Variants in CDH4 observed in about 807,000 individuals in gnomAD.
The protein encoded by CDH4 is cadherin-4.
A neutral mutation model predicts 86.0 loss-of-function variants in CDH4; 33 were observed. The ratio of observed to expected loss-of-function variants is 0.38; its 90% confidence interval spans 0.29 to 0.51. The LOEUF (loss-of-function observed/expected upper bound fraction) is 0.51, where lower values mean the gene tolerates loss of function less well. Ranked by LOEUF, CDH4 falls within the 20% of genes least tolerant of loss-of-function variation. The pLI, the probability that CDH4 is intolerant of heterozygous loss-of-function variation, is 0.86. For synonymous variants in CDH4, 555 were observed against 549.4 expected, an observed-to-expected ratio of 1.01 and a Z score of -0.14; for missense variants, 1,114 against 1,307.4, an observed-to-expected ratio of 0.85 and a Z score of 2.28.
intron 2 of CDH4, among the ~76,000 whole-genome samples, chr20:61,655,668 C>T (rs921186675): frequency 4.6e-5 from 7 of 152,266 alleles, no homozygotes; most frequent in African/African-American, 1.7e-4. Flanking sequence ...TGTGTTCCAT[C>T]AGTTGGTCAG....
chr20:61,590,518 A>G (rs1370599893), intron 2 of CDH4, among the ~76,000 whole-genome samples: 1 of 152,172 alleles, frequency 6.6e-6, no homozygotes, highest in Non-Finnish European at 1.5e-5. Flanking sequence ...CTTTATAGAA[A>G]ATAGAAACAC....
intron 2 of CDH4, among the ~76,000 whole-genome samples, chr20:61,599,267 G>A (rs1440413559): frequency 4.6e-5 from 7 of 152,248 alleles, no homozygotes; most frequent in South Asian, 4.1e-4. Flanking sequence ...TCTTTCACCC[G>A]GCTGAGCGGG....
chr20:61,411,626 T>C (rs932864418), intron 2 of CDH4, among the ~76,000 whole-genome samples: 11 of 152,000 alleles, frequency 7.2e-5, no homozygotes. Context: ...ATGCTCCATG[T>C]CTACGTTGAA....
chr20:61,321,522 C>T (rs182186148), intron 2 of CDH4, among the ~76,000 whole-genome samples: 119 of 152,154 alleles, frequency 7.8e-4, no homozygotes, highest in African/African-American at 2.7e-3. Context: ...TTTTTTTCCA[C>T]GGGTCAGTGT....
chr20:61,796,555 C>T (rs1454299930), intron 4 of CDH4, among the ~76,000 whole-genome samples: 4 of 152,182 alleles, frequency 2.6e-5, no homozygotes, highest in Non-Finnish European at 4.4e-5. Context: ...TAGTGGCCCC[C>T]GACCATTGCT....
intron 8 of CDH4, 104 bp downstream of exon 8, chr20:61,895,151 A>G: frequency 7.3e-7 from 1 of 1,378,010 alleles, no homozygotes; most frequent in Non-Finnish European, 1.0e-6. Flanking sequence ...CCTGACGGGC[A>G]CTTGGCAGAT....
intron 2 of CDH4, among the ~76,000 whole-genome samples, chr20:61,312,979 G>T (rs2084455755): frequency 6.6e-6 from 1 of 152,072 alleles, no homozygotes; most frequent in South Asian, 2.1e-4. Context: ...CTGCCTCCAG[G>T]GCCTGGGGGT....
At chr20:61,835,220 T>A (rs927936617) in intron 4 of CDH4, among the ~76,000 whole-genome samples, 1 of 151,578 alleles carries the variant, frequency 6.6e-6, no homozygotes, top group African/African-American at 2.4e-5. Context: ...CCAACTAAGT[T>A]GTTGTTGTTT....
At chr20:61,383,514 TGAATATGTATGAA>T (rs2084925542) in intron 2 of CDH4, among the ~76,000 whole-genome samples, 6 of 99,484 alleles carry the variant, frequency 6.0e-5, no homozygotes, top group African/African-American at 2.3e-4. Context: ...ATGATATATA[TGAATATGTATGAA>T]TATATATGAA....
intron 2 of CDH4, among the ~76,000 whole-genome samples, chr20:61,291,448 G>A (rs184939862): frequency 3.1e-4 from 47 of 152,342 alleles, no homozygotes; most frequent in Non-Finnish European, 4.3e-4. Context: ...ACAGGTACCC[G>A]TTAGCTGTGT....
intron 8 of CDH4, among the ~76,000 whole-genome samples, chr20:61,907,895 G>A (rs1325640484): frequency 2.6e-5 from 4 of 152,202 alleles, no homozygotes; most frequent in African/African-American, 9.7e-5. Context: ...TGGCCATCGT[G>A]TGAGGAAGGG....
intron 2 of CDH4, among the ~76,000 whole-genome samples, chr20:61,444,985 G>C (rs970384712): frequency 2.6e-5 from 4 of 151,800 alleles, no homozygotes; most frequent in Non-Finnish European, 4.4e-5. Context: ...TTGCGTGTGT[G>C]TTTGTATGTA....
intron 2 of CDH4, among the ~76,000 whole-genome samples, chr20:61,440,935 A>C (rs1033846267): frequency 1.3e-5 from 2 of 152,238 alleles, no homozygotes; most frequent in African/African-American, 4.8e-5. Context: ...GCAAATCGGC[A>C]GGCAGATTGC....
At chr20:61,553,154 AC>A (rs2086147181) in intron 2 of CDH4, among the ~76,000 whole-genome samples, 2 of 152,240 alleles carry the variant, frequency 1.3e-5, no homozygotes, top group South Asian at 4.1e-4. Flanking sequence ...AGCATTGGAA[AC>A]ATTATGCCAA....
chr20:61,371,389 T>C (rs1446317143), intron 2 of CDH4, among the ~76,000 whole-genome samples: 1 of 152,194 alleles, frequency 6.6e-6, no homozygotes, highest in East Asian at 1.9e-4. Context: ...CCAGTGGACA[T>C]TGAATACCTC....
At chr20:61,896,708 C>T (rs1481278410) in intron 8 of CDH4, among the ~76,000 whole-genome samples, 1 of 152,242 alleles carries the variant, frequency 6.6e-6, no homozygotes, top group Non-Finnish European at 1.5e-5. Flanking sequence ...TCTATTTGCT[C>T]TCTTCCGGCC....
chr20:61,649,578 A>G (rs1391324364), intron 2 of CDH4, among the ~76,000 whole-genome samples: 2 of 152,218 alleles, frequency 1.3e-5, no homozygotes, highest in Non-Finnish European at 2.9e-5. Flanking sequence ...GGAGCCCGGC[A>G]CTGATGACAG....
At chr20:61,805,039 T>C (rs1980050611) in intron 4 of CDH4, among the ~76,000 whole-genome samples, 2 of 152,090 alleles carry the variant, frequency 1.3e-5, no homozygotes, top group Non-Finnish European at 2.9e-5. Flanking sequence ...AGGCCAAGAG[T>C]GCATCCCAGT....
chr20:61,266,705 G>A (rs971667484), intron 2 of CDH4, among the ~76,000 whole-genome samples: 17 of 151,854 alleles, frequency 1.1e-4, no homozygotes, highest in African/African-American at 4.1e-4. Flanking sequence ...AAAGCAGAGG[G>A]GTAAGATGTC....
Sources: gnomAD v4.1 joint callset for allele counts (sites outside exome capture counted in the v4.1 genomes callset) on GRCh38, gnomAD v4.1.1 for gene constraint, MANE v1.5 for transcripts, NCBI Gene and HGNC (gene_info 2026-07-23, HGNC 2026-07-21) for gene names.